SBF2: variants seen among roughly 807,000 people sequenced by gnomAD.
SBF2 encodes the protein myotubularin-related protein 13.
A neutral mutation model predicts 225.2 loss-of-function variants in SBF2; 112 were observed. The observed-to-expected ratio is 0.50, with a 90% CI of 0.43 to 0.58. SBF2 has a LOEUF of 0.58. SBF2 is among the 20% of genes least tolerant of loss of function. The pLI, the probability that SBF2 is intolerant of heterozygous loss-of-function variation, is 0.00. For missense variants in SBF2, 1,996 were observed against 2,206.2 expected (o/e 0.90, Z 1.91); for synonymous variants, 763 against 773.3 (o/e 0.99, Z 0.22).
At chr11:9,968,638 G>T in intron 13 of SBF2, 93 bp from the exon 14 acceptor site, 1 of 997,152 alleles carries the variant, frequency 1.0e-6, no homozygotes, top group Non-Finnish European at 1.6e-6. Context: ...GACACGAGCT[G>T]GGTAGTTATA....
intron 2 of SBF2, among the ~76,000 whole-genome samples, chr11:10,192,080 T>C (rs1957197580): frequency 6.6e-6 from 1 of 152,120 alleles, no homozygotes; most frequent in Non-Finnish European, 1.5e-5. Context: ...ACCAAAAATT[T>C]CCCCTCAATC....
chr11:10,048,484 T>G (rs1039713461), intron 2 of SBF2, among the ~76,000 whole-genome samples: 1 of 152,210 alleles, frequency 6.6e-6, no homozygotes, highest in Non-Finnish European at 1.5e-5. Flanking sequence ...AAAGTCAGTT[T>G]TAATTGAAAA....
chr11:10,157,048 T>G (rs1360638947), intron 2 of SBF2, among the ~76,000 whole-genome samples: 2 of 152,130 alleles, frequency 1.3e-5, no homozygotes, highest in Non-Finnish European at 2.9e-5. Context: ...CAAAACAGCA[T>G]GGGATTGCCA....
At chr11:10,039,703 T>C (rs553188758) in intron 3 of SBF2, among the ~76,000 whole-genome samples, 1 of 152,012 alleles carries the variant, frequency 6.6e-6, no homozygotes, top group Admixed American at 6.6e-5. Context: ...TATTCCCTAT[T>C]CAAAGGAGTC....
intron 1 of SBF2, among the ~76,000 whole-genome samples, chr11:10,233,756 A>G (rs1470707481): frequency 6.6e-6 from 1 of 152,180 alleles, no homozygotes; most frequent in Non-Finnish European, 1.5e-5. Context: ...CATTCCGGTT[A>G]AAACTATTAT....
At chr11:10,174,643 TTCA>T (rs1318878671) in intron 2 of SBF2, among the ~76,000 whole-genome samples, 4 of 151,894 alleles carry the variant, frequency 2.6e-5, no homozygotes, top group Non-Finnish European at 5.9e-5. Flanking sequence ...AACATTCAAA[TTCA>T]GGAAATACAG....
chr11:9,849,999 T>A (rs1212246508), intron 22 of SBF2, 24 bp downstream of exon 22: 2 of 1,602,872 alleles, frequency 1.2e-6, no homozygotes, highest in Non-Finnish European at 1.7e-6. Flanking sequence ...GATACCCATG[T>A]TCTGATGGCA....
intron 2 of SBF2, among the ~76,000 whole-genome samples, chr11:10,151,983 T>G (rs891039694): frequency 6.6e-6 from 1 of 152,228 alleles, no homozygotes; most frequent in Non-Finnish European, 1.5e-5. Context: ...TGTGATTCAT[T>G]ATTTTCTGTA....
At chr11:10,009,590 C>T (rs1484111227) in intron 6 of SBF2, among the ~76,000 whole-genome samples, 1 of 152,172 alleles carries the variant, frequency 6.6e-6, no homozygotes, top group Non-Finnish European at 1.5e-5. Flanking sequence ...GACATGAACT[C>T]ATCCTTTTTT....
chr11:9,884,421 C>A (rs1253233364), intron 17 of SBF2, among the ~76,000 whole-genome samples: 1 of 152,090 alleles, frequency 6.6e-6, no homozygotes, highest in Non-Finnish European at 1.5e-5. Context: ...AAAATGAAAT[C>A]TTACATATAA....
chr11:10,189,470 T>C (rs934724205), intron 2 of SBF2, among the ~76,000 whole-genome samples: 2 of 152,230 alleles, frequency 1.3e-5, no homozygotes, highest in Non-Finnish European at 2.9e-5. Context: ...ATGGTACTTA[T>C]ATTTACCTCT....
At chr11:10,086,483 A>G (rs1951571942) in intron 2 of SBF2, among the ~76,000 whole-genome samples, 1 of 152,144 alleles carries the variant, frequency 6.6e-6, no homozygotes, top group African/African-American at 2.4e-5. Context: ...ATAACTTGCA[A>G]TTGCTTGGCT....
intron 31 of SBF2, chr11:9,808,491 C>T: frequency 2.1e-6 from 1 of 470,920 alleles, no homozygotes. Context: ...CAGTTAAAAT[C>T]AATTCTACTT....
chr11:10,231,488 T>C (rs932125078), intron 1 of SBF2, among the ~76,000 whole-genome samples: 1 of 152,182 alleles, frequency 6.6e-6, no homozygotes, highest in African/African-American at 2.4e-5. Context: ...GGGTTTTTGG[T>C]GTGGATGTCC....
At position 10,185,193 on chromosome 11, in the gene SBF2, A is replaced by T. The variant is rs150784970; in HGVS notation, c.141+8709T>A. On this transcript the variant is annotated intron_variant, in intron 2 of 39. Coordinates refer to ENST00000256190, the MANE Select transcript of SBF2 (RefSeq NM_030962.4). ...GTCTATGGACATTCAGGTTGCTTCC[A>T]CCATTTGACTACTGTGAACAATGCT... 1.6e-4 allele frequency among the ~76,000 whole-genome samples: 25 copies of T among 152,018 alleles called. 1 individual carries two copies. The East Asian group carries it at 4.8e-3, about 29-fold the overall frequency.
chr11:10,239,055 CAT>C (rs1383254643), intron 1 of SBF2, among the ~76,000 whole-genome samples: 3 of 150,684 alleles, frequency 2.0e-5, no homozygotes, highest in African/African-American at 4.9e-5. Context: ...TATATACACA[CAT>C]ATATGTTTAT....
chr11:9,998,977 T>C (rs1947827408), intron 8 of SBF2, among the ~76,000 whole-genome samples: 1 of 152,178 alleles, frequency 6.6e-6, no homozygotes, highest in Non-Finnish European at 1.5e-5. Flanking sequence ...AGTAATATTC[T>C]AAAAAAATTA....
chr11:10,290,884 A>G (rs900137181), intron 1 of SBF2, among the ~76,000 whole-genome samples: 7 of 152,216 alleles, frequency 4.6e-5, no homozygotes, highest in Non-Finnish European at 7.3e-5. Flanking sequence ...CCCAACAGCA[A>G]TAAACACACT....
chr11:9,932,454 G>C (rs967714114), intron 16 of SBF2, among the ~76,000 whole-genome samples: 1 of 152,196 alleles, frequency 6.6e-6, no homozygotes, highest in South Asian at 2.1e-4. Flanking sequence ...CCTACAAGCC[G>C]GAAGAGAGAG....
Sources: gnomAD v4.1 joint callset for allele counts (sites outside exome capture counted in the v4.1 genomes callset) on GRCh38, gnomAD v4.1.1 for gene constraint, MANE v1.5 for transcripts, NCBI Gene and HGNC (gene_info 2026-07-23, HGNC 2026-07-21) for gene names.